Variants in HDAC9 observed in about 807,000 individuals in gnomAD.
HDAC9 encodes histone deacetylase 9.
In HDAC9, 41 loss-of-function variants were observed where a neutral mutation model predicts 139.4. That is an observed-to-expected ratio of 0.29 (90% CI 0.23 to 0.38). The LOEUF is 0.38. Ranked by LOEUF, HDAC9 falls within the 10% of genes least tolerant of loss-of-function variation. The pLI is 1.00. For synonymous variants in HDAC9, 517 were observed against 476.2 expected (o/e 1.09, Z -1.12); for missense variants, 1,147 against 1,297.0 (o/e 0.88, Z 1.78).
chr7:18,278,052 A>C (rs1796861505), intron 2 of HDAC9, among the ~76,000 whole-genome samples: 1 of 152,190 alleles, frequency 6.6e-6, no homozygotes, highest in African/African-American at 2.4e-5. Context: ...AACAAGAGGA[A>C]GCACCATCTT....
chr7:18,372,829 G>T (rs982634695), intron 1 of HDAC9, among the ~76,000 whole-genome samples: 3 of 152,108 alleles, frequency 2.0e-5, no homozygotes, highest in Admixed American at 6.5e-5. Flanking sequence ...GTTACAGATT[G>T]TAAAAAGGAC....
chr7:18,217,837 A>G (rs1584691513), intron 2 of HDAC9, among the ~76,000 whole-genome samples: 1 of 152,202 alleles, frequency 6.6e-6, no homozygotes, highest in Non-Finnish European at 1.5e-5. Flanking sequence ...GACAAACATT[A>G]ATTTTCTCAC....
At chr7:18,859,224 C>G (rs938481231) in intron 21 of HDAC9, among the ~76,000 whole-genome samples, 1 of 152,152 alleles carries the variant, frequency 6.6e-6, no homozygotes, top group African/African-American at 2.4e-5. Context: ...TGCCTGGCAC[C>G]TAGTACATTG....
At chr7:18,441,328 T>A (rs1025480048) in intron 1 of HDAC9, among the ~76,000 whole-genome samples, 29 of 152,232 alleles carry the variant, frequency 1.9e-4, no homozygotes, top group Non-Finnish European at 2.4e-4. Flanking sequence ...TACTGGAACA[T>A]TTATCTTTCT....
At chr7:18,800,470 T>G (rs1793192633) in intron 17 of HDAC9, among the ~76,000 whole-genome samples, 1 of 152,146 alleles carries the variant, frequency 6.6e-6, no homozygotes, top group African/African-American at 2.4e-5. Flanking sequence ...GATGATTGAG[T>G]CTATTTGTTT....
chr7:18,521,380 C>T (rs537434572), intron 2 of HDAC9, among the ~76,000 whole-genome samples: 3 of 152,052 alleles, frequency 2.0e-5, no homozygotes, highest in Admixed American at 6.6e-5. Context: ...CTTCTTGTTT[C>T]GTTTTATTTC....
At chr7:18,516,134 A>T (rs1803106441) in intron 2 of HDAC9, among the ~76,000 whole-genome samples, 3 of 152,160 alleles carry the variant, frequency 2.0e-5, no homozygotes, top group Non-Finnish European at 4.4e-5. Flanking sequence ...CTGTGATTTT[A>T]TACTCTTCAT....
intron 12 of HDAC9, among the ~76,000 whole-genome samples, chr7:18,709,023 C>T (rs531555168): frequency 2.0e-5 from 3 of 151,656 alleles, no homozygotes; most frequent in South Asian, 2.1e-4. Context: ...ATAACATAAA[C>T]GTTAACAACA....
At chr7:18,493,838 G>C (rs1796541658), upstream of HDAC9, among the ~76,000 whole-genome samples, 1 of 151,710 alleles carries the variant, frequency 6.6e-6, no homozygotes, top group Admixed American at 6.6e-5. Context: ...ACAGGTAAAA[G>C]TGGAGCTCCC....
At position 18,616,095 on chromosome 7, in the gene HDAC9, G is replaced by C. The variant is rs761273635; in HGVS notation, c.665-13255G>C. On this transcript the variant is annotated intron_variant, in intron 6 of 25. Coordinates refer to ENST00000686413, the MANE Select transcript of HDAC9 (RefSeq NM_178425.4). ...AACCAAGCCTTTCTCAAATGGCATTGCACTGACACTTCTCTGCCTCCCTCT... is the reference window on the plus strand; with the variant it reads ...AACCAAGCCTTTCTCAAATGGCATTCCACTGACACTTCTCTGCCTCCCTCT... 5.3e-5 allele frequency among the ~76,000 whole-genome samples: 8 copies of C among 152,274 alleles called. No homozygotes were observed. The East Asian group carries it at 1.5e-3, about 29-fold the overall frequency.
At chr7:18,933,352 C>A (rs898039670) in intron 22 of HDAC9, among the ~76,000 whole-genome samples, 2 of 151,904 alleles carry the variant, frequency 1.3e-5, no homozygotes, top group African/African-American at 4.8e-5. Flanking sequence ...TCTACCTAAT[C>A]TGGATTAAAG....
intron 1 of HDAC9, among the ~76,000 whole-genome samples, chr7:18,358,799 C>T (rs1443833458): frequency 2.6e-5 from 4 of 152,208 alleles, no homozygotes; most frequent in Admixed American, 2.0e-4. Flanking sequence ...TAACTTTAGA[C>T]ACCTGTCCCC....
At chr7:18,648,342 C>A (rs1347772252) in intron 10 of HDAC9, 124 bp from the exon 11 acceptor site, 1 of 793,124 alleles carries the variant, frequency 1.3e-6, no homozygotes, top group Admixed American at 2.6e-5. Context: ...CACTAATTTT[C>A]TTACAGTTTA....
chr7:18,109,615 A>G (rs1004033301), intron 1 of HDAC9, among the ~76,000 whole-genome samples: 2 of 146,294 alleles, frequency 1.4e-5, no homozygotes, highest in East Asian at 4.1e-4. Flanking sequence ...TTTTTTTTTT[A>G]CTTTGTTTAA....
rs116609501 is a variant in HDAC9, at chr7:18,992,588, G to C, written c.3171-3435G>C. On this transcript the variant is annotated intron_variant, in intron 25 of 25. Coordinates refer to ENST00000686413, the MANE Select transcript of HDAC9 (RefSeq NM_178425.4). ...GTAAAATGAGAAAATGTTTTACTACGTAACAGTGTTAATATAAATTAAACA... is the reference window on the plus strand; with the variant it reads ...GTAAAATGAGAAAATGTTTTACTACCTAACAGTGTTAATATAAATTAAACA... Among the ~76,000 whole-genome samples, 501 of 152,238 alleles carry C rather than the reference G, an allele frequency of 3.3e-3. 2 individuals are homozygous for C. The highest frequency in any genetic ancestry group is 0.011 in the African/African-American group (469 of 41,526).
In HDAC9 at chr7:18,907,066, T is replaced by C. The variant is rs1585280920; in HGVS notation, c.2804-28743T>C. The C allele has an allele frequency of 2.0e-5, 3 of 152,270 alleles. No individual in the cohort carries two copies. In the South Asian group the frequency reaches 6.2e-4, roughly 32 times the overall value. The allele number at this position is 152,270 out of a possible 1,614,324, so 9.4% of individuals were successfully genotyped here. Reference sequence around the variant, plus strand: ...AAGAAAAGAAGAAACCAGCTGCAAGTGCATCCAAAAGCATAGAAACCACAA... The same window carrying C: ...AAGAAAAGAAGAAACCAGCTGCAAGCGCATCCAAAAGCATAGAAACCACAA... On this transcript the variant is annotated intron_variant, in intron 22 of 25. Coordinates refer to ENST00000686413, the MANE Select transcript of HDAC9 (RefSeq NM_178425.4).
intron 1 of HDAC9, among the ~76,000 whole-genome samples, chr7:18,364,586 C>T (rs1454072610): frequency 6.6e-6 from 1 of 151,946 alleles, no homozygotes; most frequent in African/African-American, 2.4e-5. Context: ...GCATGGGCAC[C>T]CTGGAAGCTT....
In HDAC9 at chr7:18,458,548, CAA is replaced by C. The variant is rs550187409; in HGVS notation, c.-41-37712_-41-37711del. Among the ~76,000 whole-genome samples, 247 of 152,272 alleles carry C rather than the reference CAA, an allele frequency of 1.6e-3. 1 individual carries two copies. Among genetic ancestry groups the C allele is most frequent in the African/African-American group, 5.7e-3 (235 of 41,556 alleles). ...CTTTTAAGTACTGGATAACAATTCA[CAA>C]AGATTGAATTTATTTAAAAGTTCAT... On this transcript the variant is annotated intron_variant, in intron 1 of 3. Coordinates refer to the HDAC9 transcript ENST00000413509.
At chr7:18,809,441 A>T (rs576572359) in intron 17 of HDAC9, among the ~76,000 whole-genome samples, 4 of 152,088 alleles carry the variant, frequency 2.6e-5, no homozygotes, top group Non-Finnish European at 4.4e-5. Flanking sequence ...CATATATATG[A>T]TAAGAGGTTA....
Sources: gnomAD v4.1 joint callset for allele counts (sites outside exome capture counted in the v4.1 genomes callset) on GRCh38, gnomAD v4.1.1 for gene constraint, MANE v1.5 for transcripts, NCBI Gene and HGNC (gene_info 2026-07-23, HGNC 2026-07-21) for gene names.